CSTPP1: variants seen among roughly 807,000 people sequenced by gnomAD.
CSTPP1 encodes UPF0705 protein C11orf49.
chr11:47,136,542 T>C, the CSTPP1 span, among the ~76,000 whole-genome samples: 1 of 152,134 alleles, frequency 6.6e-6, no homozygotes, highest in Non-Finnish European at 1.5e-5. Context: ...ACCCAGGCCT[T>C]TCCCTGGAGA....
chr11:47,011,165 T>C, the CSTPP1 span, among the ~76,000 whole-genome samples: 1 of 152,188 alleles, frequency 6.6e-6, no homozygotes, highest in African/African-American at 2.4e-5. Flanking sequence ...TTTCCAAAAA[T>C]ATACATTTGT....
the CSTPP1 span, chr11:47,161,253 G>C: frequency 6.2e-7 from 1 of 1,612,946 alleles, no homozygotes; most frequent in Non-Finnish European, 8.5e-7. Context: ...ACACGGCTGT[G>C]CCCCATCTGG....
the CSTPP1 span, among the ~76,000 whole-genome samples, chr11:46,954,105 A>G: frequency 1.3e-5 from 2 of 152,258 alleles, no homozygotes; most frequent in African/African-American, 2.4e-5. Flanking sequence ...TCATTTTAAA[A>G]AAAGAAGTAA....
At chr11:47,009,139 T>C in the CSTPP1 span, among the ~76,000 whole-genome samples, 1 of 152,146 alleles carries the variant, frequency 6.6e-6, no homozygotes, top group African/African-American at 2.4e-5. Flanking sequence ...CACTAAATGC[T>C]CAGCTCACCT....
the CSTPP1 span, among the ~76,000 whole-genome samples, chr11:47,076,652 C>T: frequency 2.0e-5 from 3 of 152,040 alleles, no homozygotes; most frequent in Non-Finnish European, 4.4e-5. Flanking sequence ...ACCAGCCTGG[C>T]TAACATGGCA....
the CSTPP1 span, among the ~76,000 whole-genome samples, chr11:47,015,756 T>C: frequency 1.3e-5 from 2 of 152,054 alleles, no homozygotes; most frequent in South Asian, 4.1e-4. Flanking sequence ...TTTTAGTAAA[T>C]TGAATCCAAC....
chr11:47,148,333 T>G, the CSTPP1 span, among the ~76,000 whole-genome samples: 9 of 152,050 alleles, frequency 5.9e-5, no homozygotes, highest in Non-Finnish European at 8.8e-5. Flanking sequence ...AGCCACCCCA[T>G]GACTGACACC....
At chr11:47,001,399 T>C in the CSTPP1 span, among the ~76,000 whole-genome samples, 2,172 of 152,346 alleles carry the variant, frequency 0.014, 51 homozygotes, top group African/African-American at 0.05. Context: ...TAATTTCATT[T>C]TGATACATGT....
At chr11:46,966,724 G>A in the CSTPP1 span, among the ~76,000 whole-genome samples, 1 of 152,018 alleles carries the variant, frequency 6.6e-6, no homozygotes, top group Admixed American at 6.6e-5. Context: ...TTTCTAGTTT[G>A]TACATAGAAT....
chr11:46,996,451 G>A, the CSTPP1 span, among the ~76,000 whole-genome samples: 2 of 151,778 alleles, frequency 1.3e-5, no homozygotes, highest in African/African-American at 2.4e-5. Flanking sequence ...CTACAGGCAC[G>A]CGCCACCATG....
At chr11:46,967,403 C>A in the CSTPP1 span, among the ~76,000 whole-genome samples, 1 of 152,168 alleles carries the variant, frequency 6.6e-6, no homozygotes, top group Admixed American at 6.5e-5. Flanking sequence ...TTCTTATATT[C>A]CATCATTGTA....
the CSTPP1 span, among the ~76,000 whole-genome samples, chr11:47,034,586 G>A: frequency 2.7e-5 from 4 of 150,824 alleles, no homozygotes; most frequent in East Asian, 1.9e-4. Context: ...ACACCACCTC[G>A]AATTCCTGTG....
chr11:47,077,960 TATA>T, the CSTPP1 span, among the ~76,000 whole-genome samples: 1 of 151,890 alleles, frequency 6.6e-6, no homozygotes, highest in African/African-American at 2.4e-5. Context: ...AGAAAGAAAA[TATA>T]ATAATATACC....
chr11:47,057,819 G>A, the CSTPP1 span, among the ~76,000 whole-genome samples: 3 of 152,192 alleles, frequency 2.0e-5, no homozygotes, highest in African/African-American at 7.2e-5. Context: ...GAGTATACAA[G>A]GGGCTAAGGA....
At chr11:47,102,731 G>A in the CSTPP1 span, among the ~76,000 whole-genome samples, 44 of 152,284 alleles carry the variant, frequency 2.9e-4, 1 homozygote, top group East Asian at 5.8e-3. Context: ...TTGTCAGGTC[G>A]AAACAGCTTG....
the CSTPP1 span, among the ~76,000 whole-genome samples, chr11:47,092,259 G>A: frequency 3.3e-5 from 5 of 152,048 alleles, no homozygotes; most frequent in East Asian, 1.9e-4. Flanking sequence ...GCTGTAAAAG[G>A]GAAAATTATG....
At chr11:46,955,359 T>G in the CSTPP1 span, among the ~76,000 whole-genome samples, 2 of 150,868 alleles carry the variant, frequency 1.3e-5, no homozygotes, top group Non-Finnish European at 3.0e-5. Context: ...TTTTTTTTTG[T>G]TGTTTTTTTG....
the CSTPP1 span, among the ~76,000 whole-genome samples, chr11:47,077,158 A>G: frequency 6.7e-6 from 1 of 150,326 alleles, no homozygotes; most frequent in African/African-American, 2.4e-5. Context: ...AGAATTCTGT[A>G]CCAAACCGAA....
At chr11:47,094,412 C>G in the CSTPP1 span, among the ~76,000 whole-genome samples, 1 of 152,078 alleles carries the variant, frequency 6.6e-6, no homozygotes, top group African/African-American at 2.4e-5. Flanking sequence ...ATGCTTATAA[C>G]TAACAAAATT....
Sources: allele counts gnomAD v4.1 joint callset (sites outside exome capture counted in the v4.1 genomes callset), GRCh38; gene constraint gnomAD v4.1.1; transcripts MANE v1.5; gene names NCBI Gene and HGNC (gene_info 2026-07-23, HGNC 2026-07-21).